The following CPNE8 variants were observed in gnomAD, a reference collection of about 807,000 sequenced individuals.
CPNE8 encodes the protein copine-8.
In CPNE8, 45 loss-of-function variants were observed where a neutral mutation model predicts 81.5. The observed-to-expected ratio is 0.55, with a 90% CI of 0.44 to 0.71. The LOEUF (loss-of-function observed/expected upper bound fraction) is 0.71. Ranked by LOEUF, CPNE8 falls within the 30% of genes least tolerant of loss-of-function variation. The probability of loss-of-function intolerance (pLI) is 0.00; values close to 1 mark genes in which losing one functional copy is unlikely to be tolerated. For missense variants in CPNE8, 594 were observed against 672.1 expected (o/e 0.88, Z 1.28); for synonymous variants, 252 against 226.3 (o/e 1.11, Z -1.02).
chr12:38,661,897 C>A (rs1438857902), intron 19 of CPNE8, among the ~76,000 whole-genome samples: 126 of 134,944 alleles, frequency 9.3e-4, no homozygotes, highest in Middle Eastern at 3.7e-3. Flanking sequence ...AGAATGCAAG[C>A]AAAAAAAAAA....
At chr12:38,737,625 T>C (rs1427797652) in intron 10 of CPNE8, among the ~76,000 whole-genome samples, 4 of 152,178 alleles carry the variant, frequency 2.6e-5, no homozygotes, top group Admixed American at 1.3e-4. Context: ...TTTGCTATTA[T>C]ATTGCTACCT....
chr12:38,820,348 T>C (rs1195478824), intron 6 of CPNE8, among the ~76,000 whole-genome samples: 1 of 151,634 alleles, frequency 6.6e-6, no homozygotes, highest in Non-Finnish European at 1.5e-5. Context: ...GAAGTTGCAG[T>C]GAGCCGAGAT....
chr12:38,801,730 A>T (rs1473581403), intron 6 of CPNE8, among the ~76,000 whole-genome samples: 2 of 73,462 alleles, frequency 2.7e-5, no homozygotes, highest in African/African-American at 1.0e-4. Flanking sequence ...ATAAAGAGTC[A>T]AGACCCATCA....
intron 6 of CPNE8, among the ~76,000 whole-genome samples, chr12:38,797,159 G>T (rs556872446): frequency 1.3e-4 from 20 of 152,240 alleles, no homozygotes; most frequent in East Asian, 7.8e-4. Flanking sequence ...CTCTGCAGAC[G>T]TAAATGTCCC....
chr12:38,709,653 G>C (rs960455458), intron 13 of CPNE8, among the ~76,000 whole-genome samples: 4 of 152,184 alleles, frequency 2.6e-5, no homozygotes, highest in Non-Finnish European at 4.4e-5. Context: ...TTTTCAGAAC[G>C]TGAGCATACT....
chr12:38,656,085 G>GA (rs1938809472), intron 19 of CPNE8, among the ~76,000 whole-genome samples: 6 of 137,930 alleles, frequency 4.4e-5, no homozygotes, highest in Non-Finnish European at 1.6e-5. Context: ...ATTTTTAACA[G>GA]AAAAAAATCA....
intron 17 of CPNE8, 66 bp from the exon 18 acceptor site, chr12:38,675,840 C>G: frequency 1.9e-6 from 2 of 1,049,340 alleles, no homozygotes; most frequent in Non-Finnish European, 3.0e-6. Flanking sequence ...TAATTAAAGG[C>G]CAGGCATGAT....
intron 1 of CPNE8, among the ~76,000 whole-genome samples, chr12:38,902,296 A>AAAGGAAGG (rs1183045799): frequency 0.02 from 1,091 of 55,910 alleles, 157 homozygotes; most frequent in East Asian, 0.037. Flanking sequence ...GGAAGGAAGG[A>AAAGGAAGG]AAGGAAGGAA....
intron 3 of CPNE8, among the ~76,000 whole-genome samples, chr12:38,868,698 T>C (rs146888730): frequency 4.5e-4 from 68 of 152,318 alleles, no homozygotes; most frequent in African/African-American, 1.2e-3. Flanking sequence ...GTAGACTAAA[T>C]ATTATCTATT....
intron 6 of CPNE8, among the ~76,000 whole-genome samples, chr12:38,785,036 A>G (rs1199138198): frequency 6.6e-6 from 1 of 152,138 alleles, no homozygotes; most frequent in Non-Finnish European, 1.5e-5. Context: ...CTCTACTAAA[A>G]ATACAAAAAT....
chr12:38,690,073 G>A (rs1422719497), intron 15 of CPNE8, among the ~76,000 whole-genome samples: 1 of 152,048 alleles, frequency 6.6e-6, no homozygotes, highest in East Asian at 1.9e-4. Context: ...ATACACTGGG[G>A]GTAATTTAAG....
intron 3 of CPNE8, among the ~76,000 whole-genome samples, chr12:38,864,303 A>G (rs1943885133): frequency 6.6e-6 from 1 of 152,140 alleles, no homozygotes; most frequent in South Asian, 2.1e-4. Context: ...GCATAGTCCC[A>G]TCATCATCCA....
chr12:38,780,150 AC>A (rs1942019110), intron 6 of CPNE8, among the ~76,000 whole-genome samples: 1 of 152,066 alleles, frequency 6.6e-6, no homozygotes, highest in East Asian at 1.9e-4. Flanking sequence ...TTTTCTCGGC[AC>A]CATTTATTAA....
At chr12:38,905,984 C>T (rs1396978145), upstream of CPNE8, 2 of 985,322 alleles carry the variant, frequency 2.0e-6, no homozygotes, top group African/African-American at 3.5e-5. Flanking sequence ...CACACCCACA[C>T]TCGCCTCCTG....
chr12:38,673,960 G>T (rs1939234523), intron 18 of CPNE8, among the ~76,000 whole-genome samples: 1 of 151,996 alleles, frequency 6.6e-6, no homozygotes, highest in African/African-American at 2.4e-5. Context: ...ATGGGAATGT[G>T]ATTGTCCACA....
chr12:38,903,727 C>T (rs963772894), intron 1 of CPNE8, among the ~76,000 whole-genome samples: 6 of 152,142 alleles, frequency 3.9e-5, no homozygotes, highest in Non-Finnish European at 2.9e-5. Context: ...TCTGTATATA[C>T]CAGTAACTTC....
At chr12:38,863,003 G>T (rs894812835) in intron 3 of CPNE8, among the ~76,000 whole-genome samples, 1 of 152,038 alleles carries the variant, frequency 6.6e-6, no homozygotes, top group African/African-American at 2.4e-5. Flanking sequence ...AAAATTAGTT[G>T]CAGTAACCAA....
intron 10 of CPNE8, among the ~76,000 whole-genome samples, chr12:38,748,775 A>T (rs1941293422): frequency 6.6e-6 from 1 of 152,154 alleles, no homozygotes; most frequent in Non-Finnish European, 1.5e-5. Context: ...GGATATTAAT[A>T]CATGTAACTA....
rs747437993 is a variant in CPNE8 at position 38,829,447 on chromosome 12, C to A, written c.339G>T (p.Leu113=). The A allele has an allele frequency of 3.1e-6, 5 of 1,611,752 alleles. No individual in the cohort carries two copies. In the African/African-American group the frequency reaches 6.7e-5, roughly 22 times the overall value. ...CTCCCAATGTACAAAACACTTGTCC[C>A]AGAAAGTCCTGAAATAGATAAAAAG... The part of the protein sequence containing the change: ...KSPNLSKHDF[L]GQVFCTLGEI... Residue 113 remains leucine (L), a synonymous_variant, in exon 6 of 20, where the codon CTG becomes CTT. Coordinates refer to ENST00000331366, the MANE Select transcript of CPNE8 (RefSeq NM_153634.3).
Sources: gnomAD v4.1 joint callset for allele counts (sites outside exome capture counted in the v4.1 genomes callset) on GRCh38, gnomAD v4.1.1 for gene constraint, MANE v1.5 for transcripts, NCBI Gene and HGNC (gene_info 2026-07-23, HGNC 2026-07-21) for gene names.